Variants in SBF2 observed in about 807,000 individuals in gnomAD.
The protein encoded by SBF2 is SET binding factor 2, also known as myotubularin-related protein 13.
SBF2 carries 112 observed loss-of-function variants against 225.2 expected under a neutral mutation model. That is an observed-to-expected ratio of 0.50 (90% CI 0.43 to 0.58). The LOEUF (loss-of-function observed/expected upper bound fraction) is 0.58. Ranked by LOEUF, SBF2 falls within the 20% of genes least tolerant of loss-of-function variation. SBF2 has a pLI of 0.00. For synonymous variants in SBF2, 763 were observed against 773.3 expected, an observed-to-expected ratio of 0.99 and a Z score of 0.22; for missense variants, 1,996 against 2,206.2, an observed-to-expected ratio of 0.90 and a Z score of 1.91.
At chr11:10,133,087 A>AC (rs1468935417) in intron 2 of SBF2, among the ~76,000 whole-genome samples, 1 of 148,192 alleles carries the variant, frequency 6.7e-6, no homozygotes, top group Non-Finnish European at 1.5e-5. Context: ...AAGGTTCTCC[A>AC]CTTCCTCACC....
chr11:10,266,673 A>G (rs1256497850), intron 1 of SBF2, among the ~76,000 whole-genome samples: 1 of 152,354 alleles, frequency 6.6e-6, no homozygotes, highest in South Asian at 2.1e-4. Flanking sequence ...CCTAACAGCT[A>G]TGATGATGAT....
upstream of SBF2, among the ~76,000 whole-genome samples, chr11:10,295,457 C>G (rs775620196): frequency 6.6e-6 from 1 of 152,096 alleles, no homozygotes; most frequent in Non-Finnish European, 1.5e-5. Flanking sequence ...GAGGGTTGGG[C>G]TGCACTAGAA....
chr11:10,274,067 T>A (rs768543361), intron 1 of SBF2, among the ~76,000 whole-genome samples: 3 of 152,260 alleles, frequency 2.0e-5, no homozygotes, highest in Non-Finnish European at 4.4e-5. Flanking sequence ...AGAAAAGTTT[T>A]ATTTCACTGC....
rs1485620383 is a variant in SBF2 at position 10,191,678 on chromosome 11, C to T, written c.141+2224G>A. Among the ~76,000 whole-genome samples, 3 of 152,274 alleles carry T rather than the reference C, an allele frequency of 2.0e-5. No homozygotes were observed. The South Asian group carries it at 6.2e-4, about 32-fold the overall frequency. On this transcript the variant is annotated intron_variant, in intron 2 of 39. Transcript: ENST00000256190. Reference sequence around the variant, plus strand: ...AAAAGTTCTGTCTAACTCTTAGCACCTCCATTTCACTATTCTAACAGCACA... The same window carrying T: ...AAAAGTTCTGTCTAACTCTTAGCACTTCCATTTCACTATTCTAACAGCACA...
intron 1 of SBF2, among the ~76,000 whole-genome samples, chr11:10,259,802 A>G (rs1961253789): frequency 6.6e-6 from 1 of 152,142 alleles, no homozygotes; most frequent in African/African-American, 2.4e-5. Context: ...ATAATTTTTT[A>G]TTTTGAGATT....
At chr11:10,024,901 C>T (rs1045547613) in intron 6 of SBF2, among the ~76,000 whole-genome samples, 3 of 152,090 alleles carry the variant, frequency 2.0e-5, no homozygotes, top group South Asian at 2.1e-4. Context: ...GTTTCTGTCA[C>T]GGAGGGAGGG....
chr11:10,273,326 G>C (rs1378784496), intron 1 of SBF2, among the ~76,000 whole-genome samples: 1 of 152,082 alleles, frequency 6.6e-6, no homozygotes, highest in Non-Finnish European at 1.5e-5. Flanking sequence ...AGATGTTTTT[G>C]AACTCGAATT....
At chr11:10,225,536 G>A (rs1005718320) in intron 1 of SBF2, among the ~76,000 whole-genome samples, 2 of 152,026 alleles carry the variant, frequency 1.3e-5, no homozygotes, top group African/African-American at 4.8e-5. Flanking sequence ...ATTATAAATA[G>A]AAATTTATTT....
At chr11:9,849,975 T>A (rs1590218074) in intron 22 of SBF2, 48 bp downstream of exon 22, 1 of 1,540,200 alleles carries the variant, frequency 6.5e-7, no homozygotes, top group South Asian at 1.1e-5. Flanking sequence ...GATCGAGACC[T>A]CATGTACCAC....
intron 16 of SBF2, among the ~76,000 whole-genome samples, chr11:9,952,671 G>T (rs920070712): frequency 6.6e-6 from 1 of 152,072 alleles, no homozygotes; most frequent in East Asian, 1.9e-4. Flanking sequence ...TTGGGTGGTA[G>T]CAGAGATTAA....
chr11:9,974,524 G>A (rs1438008796), intron 13 of SBF2, among the ~76,000 whole-genome samples: 2 of 151,756 alleles, frequency 1.3e-5, no homozygotes, highest in Non-Finnish European at 2.9e-5. Flanking sequence ...TCACAAGTAC[G>A]AAGGCAACAT....
chr11:10,151,810 T>C (rs560733263), intron 2 of SBF2, among the ~76,000 whole-genome samples: 4 of 152,346 alleles, frequency 2.6e-5, no homozygotes, highest in East Asian at 1.9e-4. Context: ...TATATTTAAA[T>C]AGGTCTATTG....
chr11:9,780,693 G>C, intron 39 of SBF2, 177 bp from the exon 40 acceptor site: 1 of 650,668 alleles, frequency 1.5e-6, no homozygotes, highest in East Asian at 2.9e-5. Context: ...GGTCTCTAGA[G>C]TCATAGGGGA....
At position 10,222,162 on chromosome 11, in the gene SBF2, A is replaced by G. The variant is rs1349618953; in HGVS notation, c.56-28175T>C. ...TCATGTTAACTGCCTGCTAACAAGC[A>G]TCAACACTCTTTGGAGGAATATAAT... is the stretch of plus-strand genomic sequence containing the variant. On this transcript the variant is annotated intron_variant, in intron 1 of 39. Transcript: ENST00000256190. Among the ~76,000 whole-genome samples the G allele has an allele frequency of 2.0e-5, 3 of 152,230 alleles. No homozygotes were observed. The East Asian group carries it at 5.8e-4, about 29-fold the overall frequency.
intron 1 of SBF2, among the ~76,000 whole-genome samples, chr11:10,250,034 G>A (rs571497254): frequency 5.6e-4 from 85 of 152,102 alleles, no homozygotes; most frequent in Non-Finnish European, 9.1e-4. Context: ...CTCCAAAATT[G>A]TATGGGATTT....
At chr11:9,838,697 G>A (rs1429386076) in intron 26 of SBF2, 1 of 152,120 alleles carries the variant, frequency 6.6e-6, no homozygotes, top group African/African-American at 2.4e-5. Context: ...TATGTACAAA[G>A]CTTACAATTT....
intron 2 of SBF2, among the ~76,000 whole-genome samples, chr11:10,134,051 C>T (rs1402062304): frequency 6.6e-6 from 1 of 152,156 alleles, no homozygotes; most frequent in Non-Finnish European, 1.5e-5. Context: ...GGGCAATTTA[C>T]AAAGAAAGGC....
At chr11:10,288,462 ATT>A (rs1963941116) in intron 1 of SBF2, among the ~76,000 whole-genome samples, 1 of 151,794 alleles carries the variant, frequency 6.6e-6, no homozygotes, top group Non-Finnish European at 1.5e-5. Context: ...CCCAGCAAGT[ATT>A]TTCTCAGCAG....
At chr11:10,064,724 G>C (rs1420722725) in intron 2 of SBF2, among the ~76,000 whole-genome samples, 1 of 152,004 alleles carries the variant, frequency 6.6e-6, no homozygotes, top group African/African-American at 2.4e-5. Flanking sequence ...TTAATCAAGA[G>C]AACATAAAAT....
Sources: allele counts gnomAD v4.1 joint callset (sites outside exome capture counted in the v4.1 genomes callset), GRCh38; gene constraint gnomAD v4.1.1; transcripts MANE v1.5; gene names NCBI Gene and HGNC (gene_info 2026-07-23, HGNC 2026-07-21).